Variants in EIF4E2 observed in about 807,000 individuals in gnomAD.
The protein encoded by EIF4E2 is eukaryotic translation initiation factor 4E type 2.
EIF4E2 carries 13 observed loss-of-function variants against 34.2 expected under a neutral mutation model. That is an observed-to-expected ratio of 0.38 (90% CI 0.25 to 0.60). The LOEUF (loss-of-function observed/expected upper bound fraction) is 0.60. Ranked by LOEUF, EIF4E2 falls within the 20% of genes least tolerant of loss-of-function variation. The probability of loss-of-function intolerance (pLI) is 0.62; values close to 1 mark genes in which losing one functional copy is unlikely to be tolerated. For synonymous variants in EIF4E2, 100 were observed against 106.6 expected (o/e 0.94, Z 0.38); for missense variants, 222 against 315.1 (o/e 0.70, Z 2.24).
Position 232,551,153 on chromosome 2 carries a change from A to C in EIF4E2, c.20+409A>C, listed in dbSNP as rs746505137. The C allele has an allele frequency of 6.3e-4, 333 of 530,206 alleles. 1 individual carries two copies. Among genetic ancestry groups the C allele is most frequent in the Non-Finnish European group, 1.0e-3 (273 of 265,898 alleles). The allele number at this position is 530,206 out of a possible 1,614,324, so 32.8% of individuals were successfully genotyped here. ...ACACTCCCTCTCCCCTCTGAGCCTC[A>C]GTTTTCTCATCTGCAGAGTGGGGAC... On this transcript the variant is annotated intron_variant, in intron 1 of 6. Coordinates refer to ENST00000258416, the MANE Select transcript of EIF4E2 (RefSeq NM_004846.4).
At chr2:232,550,921 G>A (rs1301787780) in intron 1 of EIF4E2, 177 bp downstream of exon 1, 5 of 678,518 alleles carry the variant, frequency 7.4e-6, no homozygotes, top group African/African-American at 3.7e-5. Flanking sequence ...AATGGATACC[G>A]GAGTCCCGGA....
downstream of EIF4E2, among the ~76,000 whole-genome samples, chr2:232,573,359 G>C (rs1180021802): frequency 1.3e-5 from 2 of 152,144 alleles, no homozygotes; most frequent in Non-Finnish European, 2.9e-5. Flanking sequence ...TTCAGACTTA[G>C]AAGCACCATA....
rs558558318 is a variant in EIF4E2, at chr2:232,564,211, A to G, written c.271-36A>G. 6 of 1,426,534 alleles carry G rather than the reference A, an allele frequency of 4.2e-6. No individual in the cohort carries two copies. The East Asian group carries it at 7.2e-5, about 17-fold the overall frequency. 88.4% of individuals were successfully genotyped at this position (1,426,534 alleles called of 1,614,324 possible). On this transcript the variant is annotated intron_variant, in intron 3 of 6. Transcript: ENST00000258416. ...GGATGCATTCAAAGAAAAGTAAAAGACACATGTTTTTTACTCTGGGGTCTT... is the reference window on the plus strand; with the variant it reads ...GGATGCATTCAAAGAAAAGTAAAAGGCACATGTTTTTTACTCTGGGGTCTT...
exon 7 of EIF4E2, chr2:232,582,363 A>C (rs563382863): frequency 6.6e-6 from 1 of 152,392 alleles, no homozygotes; most frequent in Admixed American, 6.5e-5. Flanking sequence ...CTACTTTTCC[A>C]TTCCTGAACA....
At chr2:232,567,867 A>G (rs1314000557) in intron 6 of EIF4E2, 20 of 985,400 alleles carry the variant, frequency 2.0e-5, no homozygotes, top group Non-Finnish European at 2.4e-5. Context: ...AAGTAAGCTC[A>G]GGCTATTGTG....
rs1350971053 is a variant in EIF4E2 at position 232,567,547 on chromosome 2, G to GT, written c.665+339dup. The stretch of plus-strand genomic sequence containing the variant: ...GACAAGTGCTTTTCTTTTTCTTGCT[G>GT]TTTTTTAAGATAATTTCACCCTGCC... On this transcript the variant is annotated intron_variant, in intron 6 of 6. Coordinates refer to ENST00000258416, the MANE Select transcript of EIF4E2 (RefSeq NM_004846.4). 1.8e-5 allele frequency: 22 copies of GT among 1,239,586 alleles called. No individual in the cohort carries two copies. The Admixed American group carries it at 3.3e-4, about 18-fold the overall frequency. The allele number at this position is 1,239,586 out of a possible 1,614,324, so 76.8% of individuals were successfully genotyped here.
downstream of EIF4E2, among the ~76,000 whole-genome samples, chr2:232,572,646 G>A (rs1693120363): frequency 6.6e-6 from 1 of 152,190 alleles, no homozygotes; most frequent in African/African-American, 2.4e-5. Flanking sequence ...ACAGGCGTGA[G>A]CCATGGTGCC....
chr2:232,565,741 T>A (rs1213460273), intron 4 of EIF4E2, among the ~76,000 whole-genome samples: 1 of 152,226 alleles, frequency 6.6e-6, no homozygotes, highest in African/African-American at 2.4e-5. Context: ...ATAATTATAG[T>A]ATCATTGCTG....
At chr2:232,555,002 G>A (rs765957132) in intron 1 of EIF4E2, among the ~76,000 whole-genome samples, 3 of 152,202 alleles carry the variant, frequency 2.0e-5, no homozygotes, top group Non-Finnish European at 4.4e-5. Context: ...GAAGGTTCAT[G>A]GCACAGGGCA....
chr2:232,563,142 A>G (rs1656398), intron 3 of EIF4E2, among the ~76,000 whole-genome samples: 45,766 of 152,124 alleles, frequency 0.3, 7,445 homozygotes, highest in Admixed American at 0.41. Context: ...TCAGCAGTTT[A>G]GCAGATACCA....
chr2:232,555,268 A>G (rs1014955481), intron 1 of EIF4E2, among the ~76,000 whole-genome samples: 4 of 152,306 alleles, frequency 2.6e-5, no homozygotes, highest in Non-Finnish European at 5.9e-5. Context: ...ATTTCGTTTG[A>G]CCACACATAT....
rs1051051117 is a variant in EIF4E2 at position 232,566,427 on chromosome 2, T to G, written c.376-402T>G. Among the ~76,000 whole-genome samples, 2 of 152,244 alleles carry G rather than the reference T, an allele frequency of 1.3e-5. No individual in the cohort carries two copies. The highest frequency in any genetic ancestry group is 2.9e-5 in the Non-Finnish European group (2 of 68,042). On this transcript the variant is annotated intron_variant, in intron 4 of 6. Coordinates refer to ENST00000258416, the MANE Select transcript of EIF4E2 (RefSeq NM_004846.4). The surrounding 1 kb of genome is among the most constrained non-coding windows in gnomAD (Gnocchi z 4.9). ...GGATGGTCTCGATCTCCTCACCTCGTGATTCGCCCACCTCAGCCTTCCAAA... is the reference window on the plus strand; with the variant it reads ...GGATGGTCTCGATCTCCTCACCTCGGGATTCGCCCACCTCAGCCTTCCAAA...
At chr2:232,574,162 A>C, downstream of EIF4E2, 2 of 1,211,774 alleles carry the variant, frequency 1.7e-6, no homozygotes, top group Non-Finnish European at 1.2e-6. Context: ...CTCGGCTTGG[A>C]GGGCATCTGA....
Position 232,569,023 on chromosome 2 carries a change from T to A in EIF4E2, c.*6T>A. On this transcript the variant is annotated 3_prime_UTR_variant, in exon 7 of 7. Transcript: ENST00000258416. ...CGCGGTTGAATGTGCCATGACCCTC[T>A]CCCTCTCTGGATGGCACCATCATTG... 1 of 1,613,960 alleles carries A rather than the reference T, an allele frequency of 6.2e-7. No individual in the cohort carries two copies. The highest frequency in any genetic ancestry group is 8.5e-7 in the Non-Finnish European group (1 of 1,179,952).
intron 6 of EIF4E2, among the ~76,000 whole-genome samples, chr2:232,576,073 A>C (rs185250585): frequency 6.6e-6 from 1 of 152,080 alleles, no homozygotes; most frequent in Non-Finnish European, 1.5e-5. Context: ...GCGTGGTGGC[A>C]CACACCTGTT....
chr2:232,560,836 G>T (rs1692698069), intron 3 of EIF4E2, among the ~76,000 whole-genome samples: 1 of 152,180 alleles, frequency 6.6e-6, no homozygotes, highest in South Asian at 2.1e-4. Flanking sequence ...TAGTTTGCCA[G>T]TGCTATCTTA....
intron 6 of EIF4E2, chr2:232,567,581 C>T: frequency 8.3e-7 from 1 of 1,198,232 alleles, no homozygotes; most frequent in African/African-American, 1.6e-5. Context: ...CCCACCCTCA[C>T]CCCACTTCTG....
chr2:232,574,414 C>T, intron 6 of EIF4E2: 1 of 1,471,410 alleles, frequency 6.8e-7, no homozygotes, highest in Non-Finnish European at 9.3e-7. Context: ...TCCCATTTAC[C>T]CCCAAACTTG....
At chr2:232,558,351 C>G in intron 3 of EIF4E2, 1 of 162,520 alleles carries the variant, frequency 6.2e-6, no homozygotes, top group East Asian at 1.8e-4. Context: ...GTGGTATCAT[C>G]TCAGCTCATT....
Sources: allele counts gnomAD v4.1 joint callset (sites outside exome capture counted in the v4.1 genomes callset), GRCh38; gene constraint gnomAD v4.1.1; non-coding constraint Gnocchi (gnomAD v3.1); transcripts MANE v1.5; gene names NCBI Gene and HGNC (gene_info 2026-07-23, HGNC 2026-07-21).